The following ATG7 variants were observed in gnomAD, a reference collection of about 807,000 sequenced individuals.
The protein encoded by ATG7 is ubiquitin-like modifier-activating enzyme ATG7.
ATG7 carries 70 observed loss-of-function variants against 82.4 expected under a neutral mutation model. The ratio of observed to expected loss-of-function variants is 0.85; its 90% CI spans 0.70 to 1.04. The LOEUF is 1.04. ATG7 is among the 50% of genes least tolerant of loss of function. ATG7 has a pLI of 0.00. For synonymous variants in ATG7, 287 were observed against 313.0 expected (o/e 0.92, Z 0.88); for missense variants, 792 against 864.3 (o/e 0.92, Z 1.05).
At chr3:11,392,748 C>T (rs1379753006) in intron 19 of ATG7, among the ~76,000 whole-genome samples, 2 of 152,172 alleles carry the variant, frequency 1.3e-5, no homozygotes, top group African/African-American at 2.4e-5. Context: ...AAATTTGATG[C>T]ACCACAATTG....
intron 20 of ATG7, among the ~76,000 whole-genome samples, chr3:11,451,886 G>C (rs199590485): frequency 6.9e-5 from 10 of 145,446 alleles, no homozygotes; most frequent in East Asian, 6.0e-4. Flanking sequence ...CACACACACA[G>C]ACACACACAC....
chr3:11,467,421 G>C (rs1221189758), intron 20 of ATG7, among the ~76,000 whole-genome samples: 1 of 152,172 alleles, frequency 6.6e-6, no homozygotes, highest in African/African-American at 2.4e-5. Flanking sequence ...GTGTCGCCCA[G>C]GCTGCAGTGC....
At chr3:11,382,599 C>T (rs185817569) in intron 19 of ATG7, among the ~76,000 whole-genome samples, 2 of 152,234 alleles carry the variant, frequency 1.3e-5, no homozygotes, top group East Asian at 1.9e-4. Context: ...CCTTATTTGA[C>T]GTTTATATGA....
At chr3:11,515,664 A>G (rs1350500009) in intron 20 of ATG7, among the ~76,000 whole-genome samples, 2 of 152,218 alleles carry the variant, frequency 1.3e-5, no homozygotes, top group African/African-American at 4.8e-5. Context: ...CCACATGTAT[A>G]CATTAAGCCT....
intron 9 of ATG7, among the ~76,000 whole-genome samples, chr3:11,315,719 T>C (rs548374226): frequency 8.5e-5 from 13 of 152,180 alleles, no homozygotes; most frequent in Non-Finnish European, 1.2e-4. Context: ...TTTGATACCT[T>C]ACTCTTTTTT....
At chr3:11,378,664 G>A (rs1448601518) in intron 18 of ATG7, among the ~76,000 whole-genome samples, 2 of 123,254 alleles carry the variant, frequency 1.6e-5, no homozygotes, top group African/African-American at 3.4e-5. Context: ...CAGCCTGGGC[G>A]ACAGAGTGAG....
intron 20 of ATG7, among the ~76,000 whole-genome samples, chr3:11,482,173 G>T (rs942687929): frequency 1.3e-5 from 2 of 152,192 alleles, no homozygotes; most frequent in African/African-American, 2.4e-5. Flanking sequence ...GAAAGTTCAT[G>T]AGAGAAGTAT....
chr3:11,448,717 TC>T (rs1342487696), intron 20 of ATG7, among the ~76,000 whole-genome samples: 1 of 152,132 alleles, frequency 6.6e-6, no homozygotes, highest in Non-Finnish European at 1.5e-5. Context: ...ACACTGTTGT[TC>T]CCCTGCCCGA....
At chr3:11,488,372 CGGCG>C (rs1454694893) in intron 20 of ATG7, 13 of 1,018,704 alleles carry the variant, frequency 1.3e-5, no homozygotes, top group Non-Finnish European at 1.7e-5. Context: ...CTCGCCGGCG[CGGCG>C]GCAAAGACTG....
chr3:11,319,241 C>T (rs73812430), intron 9 of ATG7, among the ~76,000 whole-genome samples: 13 of 152,242 alleles, frequency 8.5e-5, no homozygotes, highest in African/African-American at 2.9e-4. Flanking sequence ...ACCTTGTTCA[C>T]TCTCTTTAGC....
downstream of ATG7, chr3:11,558,912 CCAG>C: frequency 6.7e-7 from 1 of 1,503,360 alleles, no homozygotes; most frequent in Non-Finnish European, 9.0e-7. Flanking sequence ...CTCAGGCAGC[CCAG>C]AGCCGGACTG....
chr3:11,379,550 C>A (rs1342182522), intron 18 of ATG7, among the ~76,000 whole-genome samples: 1 of 152,208 alleles, frequency 6.6e-6, no homozygotes, highest in African/African-American at 2.4e-5. Context: ...CCTTGTGAGA[C>A]CCCACCCAAA....
At chr3:11,435,665 A>G (rs2083302141) in intron 20 of ATG7, among the ~76,000 whole-genome samples, 1 of 152,186 alleles carries the variant, frequency 6.6e-6, no homozygotes, top group Non-Finnish European at 1.5e-5. Context: ...GGGCCGTGTC[A>G]GGCAGGACCG....
rs192181963 is a variant in ATG7, at chr3:11,425,029, C to A, written c.1957-1775C>A. ...CCAGGTTGGAGTGCAGTGGTGTGAT[C>A]ATAACTAGTTGCAGCCTCAACCTCC... On this transcript the variant is annotated intron_variant, in intron 19 of 20. Coordinates refer to ENST00000693202, the MANE Select transcript of ATG7 (RefSeq NM_001349232.2). Among the ~76,000 whole-genome samples, 11 of 152,038 alleles carry A rather than the reference C, an allele frequency of 7.2e-5. No individual in the cohort carries two copies. In the East Asian group the frequency reaches 2.1e-3, roughly 29 times the overall value.
chr3:11,272,901 A>G (rs1940797989), intron 1 of ATG7, among the ~76,000 whole-genome samples: 1 of 152,248 alleles, frequency 6.6e-6, no homozygotes, highest in South Asian at 2.1e-4. Flanking sequence ...ACTTTCTGAG[A>G]AAGAAGATTC....
intron 20 of ATG7, among the ~76,000 whole-genome samples, chr3:11,544,788 C>T (rs909889369): frequency 2.0e-5 from 3 of 152,210 alleles, no homozygotes; most frequent in Non-Finnish European, 2.9e-5. Context: ...ATATCCAGAA[C>T]AGATGGTTCT....
chr3:11,477,329 G>A, intron 20 of ATG7: 1 of 1,171,216 alleles, frequency 8.5e-7, no homozygotes. Context: ...ACAAACTCCT[G>A]AATCGATAAA....
intron 20 of ATG7, among the ~76,000 whole-genome samples, chr3:11,484,554 TTTATTA>T (rs764872297): frequency 6.6e-6 from 1 of 152,100 alleles, no homozygotes; most frequent in South Asian, 2.1e-4. Flanking sequence ...TTTCTTTTAT[TTTATTA>T]TTATTATACT....
intron 7 of ATG7, 65 bp downstream of exon 7, chr3:11,309,126 A>C (rs1948230603): frequency 1.4e-6 from 2 of 1,413,442 alleles, no homozygotes; most frequent in South Asian, 2.3e-5. Flanking sequence ...CCAGTGTACC[A>C]GTAGAACAGT....
Sources: allele counts gnomAD v4.1 joint callset (sites outside exome capture counted in the v4.1 genomes callset), GRCh38; gene constraint gnomAD v4.1.1; transcripts MANE v1.5; gene names NCBI Gene and HGNC (gene_info 2026-07-23, HGNC 2026-07-21).